ANK2: variants seen among roughly 807,000 people sequenced by gnomAD.
ANK2 encodes ankyrin 2, also known as ankyrin-2.
Under a neutral mutation model 360.5 loss-of-function variants are expected in ANK2, and 83 were observed. The ratio of observed to expected loss-of-function variants is 0.23; its 90% CI spans 0.19 to 0.28. The LOEUF is 0.28. Ranked by LOEUF, ANK2 falls within the 10% of genes least tolerant of loss-of-function variation. The pLI is 1.00. For synonymous variants in ANK2, 1,740 were observed against 1,759.5 expected (o/e 0.99, Z 0.28); for missense variants, 4,201 against 4,795.7 (o/e 0.88, Z 3.66).
intron 2 of ANK2, among the ~76,000 whole-genome samples, chr4:112,991,887 C>T (rs1289674661): frequency 6.6e-6 from 1 of 151,896 alleles, no homozygotes; most frequent in Non-Finnish European, 1.5e-5. Context: ...ATTGCCTTTC[C>T]TCCAGTTTCC....
intron 5 of ANK2, among the ~76,000 whole-genome samples, chr4:113,235,404 A>G (rs940330430): frequency 6.6e-6 from 1 of 151,944 alleles, no homozygotes; most frequent in African/African-American, 2.4e-5. Flanking sequence ...GATACAATAC[A>G]CTTGAGGAAA....
At chr4:112,958,156 G>A (rs1390464926) in intron 2 of ANK2, among the ~76,000 whole-genome samples, 1 of 150,936 alleles carries the variant, frequency 6.6e-6, no homozygotes. Flanking sequence ...GACGATGGGC[G>A]GCCAGGCAGA....
At chr4:113,251,514 G>A (rs944208871) in intron 10 of ANK2, among the ~76,000 whole-genome samples, 21 of 119,012 alleles carry the variant, frequency 1.8e-4, no homozygotes, top group African/African-American at 6.4e-4. Flanking sequence ...ATGCAGTCTC[G>A]CTCTGTCGCC....
intron 1 of ANK2, among the ~76,000 whole-genome samples, chr4:112,865,362 A>G (rs2070101600): frequency 6.6e-6 from 1 of 152,178 alleles, no homozygotes; most frequent in Non-Finnish European, 1.5e-5. Context: ...TTTATATAAT[A>G]CCAACCTCAC....
At chr4:112,855,354 A>C (rs536085093) in intron 1 of ANK2, among the ~76,000 whole-genome samples, 1 of 152,352 alleles carries the variant, frequency 6.6e-6, no homozygotes, top group East Asian at 1.9e-4. Flanking sequence ...ACATCTGCTG[A>C]AACAACTTTC....
At chr4:112,889,822 GT>G (rs2079456740) in intron 1 of ANK2, among the ~76,000 whole-genome samples, 1 of 152,182 alleles carries the variant, frequency 6.6e-6, no homozygotes, top group Non-Finnish European at 1.5e-5. Context: ...AATTATTTGA[GT>G]TTGAGGAAAC....
intron 4 of ANK2, among the ~76,000 whole-genome samples, chr4:113,212,745 T>C (rs2099039006): frequency 6.6e-6 from 1 of 152,246 alleles, no homozygotes. Context: ...GATTAATCCA[T>C]GTTCGGCATT....
chr4:113,027,291 A>G (rs920612914), intron 2 of ANK2, among the ~76,000 whole-genome samples: 1 of 152,174 alleles, frequency 6.6e-6, no homozygotes, highest in Non-Finnish European at 1.5e-5. Flanking sequence ...TCGCTAACTC[A>G]CAGATTACAG....
At chr4:112,862,263 A>C (rs2068358750) in intron 1 of ANK2, among the ~76,000 whole-genome samples, 1 of 152,206 alleles carries the variant, frequency 6.6e-6, no homozygotes, top group Non-Finnish European at 1.5e-5. Flanking sequence ...TGTTTGACAG[A>C]TTTAGGATAC....
At chr4:113,252,617 T>C (rs1211699781) in intron 10 of ANK2, among the ~76,000 whole-genome samples, 2 of 152,140 alleles carry the variant, frequency 1.3e-5, no homozygotes, top group African/African-American at 4.8e-5. Flanking sequence ...CAGCCCCTCC[T>C]ATGTTTCAGC....
Position 113,249,769 on chromosome 4 carries a change from G to T in ANK2, c.897G>T (p.Gly299=), listed in dbSNP as rs372453970. ...GGQIDAKTRD[G]LTPLHCAARS... ...TTCTTTAATTCTTTTGGCAGGATGG[G>T]TTGACACCACTTCACTGTGCTGCAC... The change falls in exon 10 of 46, where the codon GGG becomes GGT. Residue 299 remains glycine, a synonymous_variant. Transcript: ENST00000357077. 6.2e-7 allele frequency: 1 copy of T among 1,614,034 alleles called. No individual in the cohort carries two copies. The highest frequency in any genetic ancestry group is 8.5e-7 in the Non-Finnish European group (1 of 1,179,992).
At chr4:112,955,452 T>TA (rs2095284939) in intron 2 of ANK2, among the ~76,000 whole-genome samples, 1 of 152,126 alleles carries the variant, frequency 6.6e-6, no homozygotes, top group Non-Finnish European at 1.5e-5. Flanking sequence ...ATGAGAGCGT[T>TA]AATAGTAATG....
intron 31 of ANK2, among the ~76,000 whole-genome samples, chr4:113,338,992 G>A (rs1237996884): frequency 1.3e-5 from 2 of 152,138 alleles, no homozygotes; most frequent in East Asian, 3.8e-4. Flanking sequence ...GAGAACAGAA[G>A]GCTTAATAAA....
intron 2 of ANK2, among the ~76,000 whole-genome samples, chr4:112,952,191 C>T (rs547027661): frequency 6.6e-6 from 1 of 152,260 alleles, no homozygotes; most frequent in South Asian, 2.1e-4. Flanking sequence ...CAGTAGCACT[C>T]CATTATGTAG....
At chr4:113,078,635 CTG>C (rs755170755) in intron 1 of ANK2, among the ~76,000 whole-genome samples, 11 of 152,152 alleles carry the variant, frequency 7.2e-5, no homozygotes, top group Non-Finnish European at 1.5e-4. Context: ...GATGAGGAGA[CTG>C]AGGTTAGGAA....
At chr4:113,066,071 A>G (rs1407935974) in intron 1 of ANK2, among the ~76,000 whole-genome samples, 1 of 152,234 alleles carries the variant, frequency 6.6e-6, no homozygotes, top group Non-Finnish European at 1.5e-5. Context: ...AGGAAACAAT[A>G]TTTGGGTTTG....
chr4:113,292,647 G>C (rs538730842), intron 21 of ANK2, 133 bp downstream of exon 21: 1 of 1,034,506 alleles, frequency 9.7e-7, no homozygotes, highest in Non-Finnish European at 1.5e-6. Flanking sequence ...GAAAGCCCCA[G>C]ATTTTTGGGC....
chr4:112,893,383 A>G (rs1016361181), intron 1 of ANK2, among the ~76,000 whole-genome samples: 2 of 152,080 alleles, frequency 1.3e-5, no homozygotes, highest in Non-Finnish European at 2.9e-5. Context: ...GGCTGGTCTC[A>G]ACCTCCTGAG....
intron 1 of ANK2, among the ~76,000 whole-genome samples, chr4:113,102,837 C>T (rs2093092459): frequency 6.6e-6 from 1 of 152,092 alleles, no homozygotes; most frequent in Admixed American, 6.6e-5. Context: ...ATTGTTCTCA[C>T]CTTTTGTTCC....
Sources: gnomAD v4.1 joint callset for allele counts (sites outside exome capture counted in the v4.1 genomes callset) on GRCh38, gnomAD v4.1.1 for gene constraint, MANE v1.5 for transcripts, NCBI Gene and HGNC (gene_info 2026-07-23, HGNC 2026-07-21) for gene names.